KCNQ3: variants seen among roughly 807,000 people sequenced by gnomAD.
KCNQ3 encodes potassium voltage-gated channel subfamily KQT member 3.
Under a neutral mutation model 92.5 loss-of-function variants are expected in KCNQ3, and 30 were observed. The ratio of observed to expected loss-of-function variants is 0.32; its 90% CI spans 0.24 to 0.44. The LOEUF (loss-of-function observed/expected upper bound fraction) is 0.44. KCNQ3 is among the 20% of genes least tolerant of loss of function. KCNQ3 has a pLI of 1.00. For synonymous variants in KCNQ3, 450 were observed against 468.8 expected, an observed-to-expected ratio of 0.96 and a Z score of 0.52; for missense variants, 913 against 1,140.3, an observed-to-expected ratio of 0.80 and a Z score of 2.87.
At chr8:132,371,352 T>C (rs1819469096) in intron 1 of KCNQ3, among the ~76,000 whole-genome samples, 1 of 152,190 alleles carries the variant, frequency 6.6e-6, no homozygotes, top group Non-Finnish European at 1.5e-5. Flanking sequence ...TATGATCTAC[T>C]GGAAATGATA....
intron 1 of KCNQ3, among the ~76,000 whole-genome samples, chr8:132,454,025 GC>G (rs1821885181): frequency 6.6e-6 from 1 of 152,122 alleles, no homozygotes; most frequent in Non-Finnish European, 1.5e-5. Context: ...CAGACCTCAT[GC>G]CTAACACCAT....
chr8:132,216,341 G>A (rs1814028923), intron 1 of KCNQ3, among the ~76,000 whole-genome samples: 1 of 152,248 alleles, frequency 6.6e-6, no homozygotes, highest in African/African-American at 2.4e-5. Context: ...GAGAGAAAGT[G>A]CTGTGCACCA....
At chr8:132,142,767 G>A (rs1287704564) in intron 9 of KCNQ3, among the ~76,000 whole-genome samples, 1 of 152,166 alleles carries the variant, frequency 6.6e-6, no homozygotes, top group Non-Finnish European at 1.5e-5. Flanking sequence ...AGCATGTCTG[G>A]TTAGGCTAGT....
chr8:132,282,461 T>A (rs975069701), intron 1 of KCNQ3, among the ~76,000 whole-genome samples: 2 of 152,136 alleles, frequency 1.3e-5, no homozygotes, highest in African/African-American at 4.8e-5. Flanking sequence ...GAACACAATT[T>A]TGATTTTCGT....
At chr8:132,375,539 T>G (rs1819584470) in intron 1 of KCNQ3, among the ~76,000 whole-genome samples, 1 of 152,190 alleles carries the variant, frequency 6.6e-6, no homozygotes, top group African/African-American at 2.4e-5. Context: ...TAGCTTTGAC[T>G]TCTCAGACTT....
intron 9 of KCNQ3, among the ~76,000 whole-genome samples, chr8:132,157,655 TA>T (rs1474576024): frequency 2.0e-5 from 3 of 152,180 alleles, no homozygotes; most frequent in South Asian, 4.1e-4. Context: ...TATTTTATTT[TA>T]TTTTTTTATT....
rs1191154813 is a variant in KCNQ3 at position 132,480,677 on chromosome 8, C to CG, written c.-146_-145insC. On this transcript the variant is annotated 5_prime_UTR_variant, in exon 1 of 15. Coordinates refer to ENST00000388996, the MANE Select transcript of KCNQ3 (RefSeq NM_004519.4). ...ATCCGCGCGCCCCTCCCCACCCCCC[C>CG]CCAAAAGCAGGCAAAGGCGGGCCCC... 13 of 902,474 alleles carry CG rather than the reference C, an allele frequency of 1.4e-5. No homozygotes were observed. Among genetic ancestry groups the CG allele is most frequent in the Non-Finnish European group, 1.8e-5 (13 of 742,390 alleles). The allele number at this position is 902,474 out of a possible 1,614,324, so 55.9% of individuals were successfully genotyped here. A position where few individuals can be genotyped will look rare whatever the true frequency, so the allele number is the denominator to read the frequency against.
intron 1 of KCNQ3, among the ~76,000 whole-genome samples, chr8:132,466,034 G>T (rs1294407261): frequency 6.6e-6 from 1 of 152,136 alleles, no homozygotes; most frequent in Non-Finnish European, 1.5e-5. Flanking sequence ...CAAGGAGAAA[G>T]CTCCTTTCCC....
rs1824787944 is a variant in KCNQ3 at position 132,129,557 on chromosome 8, G to T, written c.2324C>A (p.Ser775Tyr). 6 of 1,614,214 alleles carry T rather than the reference G, an allele frequency of 3.7e-6. No individual in the cohort carries two copies. Among genetic ancestry groups the T allele is most frequent in the Non-Finnish European group, 5.1e-6 (6 of 1,180,042 alleles). Residue 775 changes from serine to tyrosine, a missense_variant, in exon 15 of 15, where the codon TCC (serine) becomes TAC (tyrosine). Around this residue, in one of 6 missense-constraint regions of KCNQ3, gnomAD observed 375 missense variants for 376.4 expected, o/e 1.00. Coordinates refer to ENST00000388996, the MANE Select transcript of KCNQ3 (RefSeq NM_004519.4). The surrounding 1 kb of genome is among the most constrained non-coding windows in gnomAD (Gnocchi z 5.9). The part of the protein sequence containing the change: ...DLQGPYSDRI[S>Y]PRQRRSITRD... ...CGTGATGCTACGTCTCTGCCGGGGG[G>T]AGATTCGGTCCGAGTAGGGGCCCTG...
chr8:132,455,598 A>G (rs1329737968), intron 1 of KCNQ3, among the ~76,000 whole-genome samples: 1 of 152,236 alleles, frequency 6.6e-6, no homozygotes, highest in East Asian at 1.9e-4. Flanking sequence ...AGAATCCAAG[A>G]GGCCTGGATT....
intron 1 of KCNQ3, among the ~76,000 whole-genome samples, chr8:132,401,972 G>A (rs1266348378): frequency 1.1e-5 from 1 of 92,556 alleles, no homozygotes; most frequent in East Asian, 3.2e-4. Flanking sequence ...GTGCAGTCGG[G>A]CAGTTGCTAG....
rs891157666 is a variant in KCNQ3 at position 132,480,675 on chromosome 8, C to CCT, written c.-144_-143insAG. On this transcript the variant is annotated 5_prime_UTR_variant, in exon 1 of 15. Coordinates refer to ENST00000388996, the MANE Select transcript of KCNQ3 (RefSeq NM_004519.4). ...TGATCCGCGCGCCCCTCCCCACCCC[C>CCT]CCCCAAAAGCAGGCAAAGGCGGGCC... 4.4e-6 allele frequency: 4 copies of CCT among 900,650 alleles called. No homozygotes were observed. Among genetic ancestry groups the CCT allele is most frequent in the Middle Eastern group, 5.1e-4 (1 of 1,950 alleles). The allele number at this position is 900,650 out of a possible 1,614,324, so 55.8% of individuals were successfully genotyped here. A position where few individuals can be genotyped will look rare whatever the true frequency, so the allele number is the denominator to read the frequency against.
chr8:132,479,532 A>G (rs2721889), intron 1 of KCNQ3, among the ~76,000 whole-genome samples: 114,350 of 151,750 alleles, frequency 0.75, 43,804 homozygotes, highest in African/African-American at 0.88. Context: ...GGAATCCTAG[A>G]ACATGCATTT....
At chr8:132,262,688 G>A (rs911368904) in intron 1 of KCNQ3, among the ~76,000 whole-genome samples, 1 of 151,032 alleles carries the variant, frequency 6.6e-6, no homozygotes, top group Non-Finnish European at 1.5e-5. Flanking sequence ...CATGAGCTGA[G>A]GAGGGTGGGA....
chr8:132,400,929 C>A (rs1332448466), intron 1 of KCNQ3, among the ~76,000 whole-genome samples: 1 of 152,220 alleles, frequency 6.6e-6, no homozygotes, highest in Non-Finnish European at 1.5e-5. Flanking sequence ...GGGAGCCTGT[C>A]CAGGCCCCTG....
chr8:132,199,858 C>T (rs566804224), intron 1 of KCNQ3, among the ~76,000 whole-genome samples: 3 of 149,458 alleles, frequency 2.0e-5, no homozygotes, highest in African/African-American at 5.0e-5. Context: ...TGGAGTGAGC[C>T]GAGATCGTGC....
intron 9 of KCNQ3, among the ~76,000 whole-genome samples, chr8:132,142,340 T>G (rs1586764942): frequency 1.3e-5 from 2 of 152,168 alleles, no homozygotes; most frequent in African/African-American, 2.4e-5. Flanking sequence ...TGGCTGACCT[T>G]CGGCAAATCT....
rs1826054936 is a variant in KCNQ3 at position 132,163,549 on chromosome 8, T to A, written c.1236-55A>T. ...GCATAAATTACGTGAAACAGCTGTA[T>A]CCTTCCTCGAAAGATTGCTGCAAAG... is the stretch of plus-strand genomic sequence containing the variant. On this transcript the variant is annotated intron_variant, in intron 8 of 14. Coordinates refer to ENST00000388996, the MANE Select transcript of KCNQ3 (RefSeq NM_004519.4). 3.6e-6 allele frequency: 5 copies of A among 1,403,042 alleles called. No individual in the cohort carries two copies. The South Asian group carries it at 4.6e-5, about 13-fold the overall frequency. 86.9% of individuals were successfully genotyped at this position (1,403,042 alleles called of 1,614,324 possible). A position where few individuals can be genotyped will look rare whatever the true frequency, so the allele number is the denominator to read the frequency against.
chr8:132,132,655 TG>T (rs1487330486), intron 13 of KCNQ3, among the ~76,000 whole-genome samples: 1 of 124,516 alleles, frequency 8.0e-6, no homozygotes. Flanking sequence ...TGTGTGCAGG[TG>T]GAGAAGGGGT....
Sources: gnomAD v4.1 joint callset for allele counts (sites outside exome capture counted in the v4.1 genomes callset) on GRCh38, gnomAD v4.1.1 for gene constraint, gnomAD v4.1.1 regional missense constraint, Gnocchi (gnomAD v3.1) non-coding constraint, MANE v1.5 for transcripts, NCBI Gene and HGNC (gene_info 2026-07-23, HGNC 2026-07-21) for gene names.